TRIM5: variants seen among roughly 807,000 people sequenced by gnomAD.
The protein encoded by TRIM5 is tripartite motif-containing protein 5.
In TRIM5, 31 loss-of-function variants were observed where a neutral mutation model predicts 35.6. That is an observed-to-expected ratio of 0.87 (90% CI 0.65 to 1.18). TRIM5 has a LOEUF of 1.18. Ranked by LOEUF, TRIM5 falls within the 50% of genes most tolerant of loss-of-function variation. TRIM5 has a pLI of 0.00. For missense variants in TRIM5, 609 were observed against 591.6 expected (o/e 1.03, Z -0.31); for synonymous variants, 243 against 215.6 (o/e 1.13, Z -1.11).
At chr11:5,677,973 T>C (rs547188791) in intron 4 of TRIM5, 12 of 405,932 alleles carry the variant, frequency 3.0e-5, no homozygotes, top group African/African-American at 1.4e-4. Flanking sequence ...CTAGAGCTAA[T>C]TGATCATCTC....
At chr11:5,609,688 TGAG>T in the TRIM5 span, among the ~76,000 whole-genome samples, 29 of 152,272 alleles carry the variant, frequency 1.9e-4, no homozygotes, top group African/African-American at 7.0e-4. Context: ...TTTGGGAGGC[TGAG>T]GAGGGCAGAT....
the TRIM5 span, among the ~76,000 whole-genome samples, chr11:5,651,024 T>G: frequency 1.3e-5 from 2 of 152,164 alleles, no homozygotes; most frequent in African/African-American, 4.8e-5. Context: ...CAGCTTCCAC[T>G]CAAATCTTAC....
the TRIM5 span, chr11:5,610,493 G>C: frequency 1.2e-6 from 2 of 1,613,914 alleles, no homozygotes; most frequent in Non-Finnish European, 8.5e-7. Flanking sequence ...ACATGAGACA[G>C]TTGGTCCTAT....
At chr11:5,665,598 A>G (rs924105329) in intron 7 of TRIM5, 58 bp downstream of exon 7, 4 of 1,584,294 alleles carry the variant, frequency 2.5e-6, no homozygotes, top group Non-Finnish European at 3.4e-6. Context: ...TCTAAAAGAT[A>G]AAGATAATAA....
the TRIM5 span, among the ~76,000 whole-genome samples, chr11:5,621,411 C>T: frequency 6.6e-6 from 1 of 152,180 alleles, no homozygotes; most frequent in African/African-American, 2.4e-5. Context: ...CTCTTGTTAG[C>T]CACTCCTGTT....
At chr11:5,638,182 G>A in the TRIM5 span, among the ~76,000 whole-genome samples, 1 of 152,218 alleles carries the variant, frequency 6.6e-6, no homozygotes, top group East Asian at 1.9e-4. Context: ...TCATTGCAGT[G>A]AAGGGAAGTT....
the TRIM5 span, among the ~76,000 whole-genome samples, chr11:5,614,327 G>GT: frequency 6.6e-5 from 10 of 152,194 alleles, no homozygotes; most frequent in African/African-American, 2.4e-4. Flanking sequence ...CCCCAGAATG[G>GT]TAACAGCATG....
chr11:5,665,519 G>A (rs1433248323), intron 7 of TRIM5, 124 bp from the exon 8 acceptor site: 17 of 1,553,568 alleles, frequency 1.1e-5, no homozygotes, highest in Non-Finnish European at 1.5e-5. Flanking sequence ...ATAAGGAGGG[G>A]TAAGTTATGT....
At chr11:5,624,409 C>T in the TRIM5 span, among the ~76,000 whole-genome samples, 3 of 152,274 alleles carry the variant, frequency 2.0e-5, no homozygotes, top group African/African-American at 7.2e-5. Flanking sequence ...TCCACCTCTC[C>T]GCCACCCATC....
intron 4 of TRIM5, among the ~76,000 whole-genome samples, chr11:5,671,119 T>G (rs933206152): frequency 6.6e-6 from 1 of 151,940 alleles, no homozygotes; most frequent in Admixed American, 6.6e-5. Flanking sequence ...CCAGCTAGTC[T>G]GGGGTCTGAG....
the TRIM5 span, among the ~76,000 whole-genome samples, chr11:5,640,657 T>A: frequency 2.0e-5 from 3 of 152,160 alleles, no homozygotes; most frequent in Non-Finnish European, 4.4e-5. Context: ...AGGATGAGCC[T>A]CATGTAATCA....
At chr11:5,657,607 T>G in the TRIM5 span, among the ~76,000 whole-genome samples, 6 of 105,626 alleles carry the variant, frequency 5.7e-5, no homozygotes, top group East Asian at 1.6e-3. Context: ...ATAATATATA[T>G]TTATATATTA....
At chr11:5,615,476 C>A in the TRIM5 span, among the ~76,000 whole-genome samples, 1 of 149,930 alleles carries the variant, frequency 6.7e-6, no homozygotes, top group African/African-American at 2.5e-5. Flanking sequence ...ACTGACACCC[C>A]TTTCTCATTA....
chr11:5,658,155 A>T, the TRIM5 span, among the ~76,000 whole-genome samples: 1 of 152,162 alleles, frequency 6.6e-6, no homozygotes, highest in South Asian at 2.1e-4. Flanking sequence ...TGCCTATAGC[A>T]GGAAGAGACA....
the TRIM5 span, chr11:5,625,109 A>G: frequency 6.6e-6 from 1 of 152,182 alleles, no homozygotes; most frequent in African/African-American, 2.4e-5. Flanking sequence ...CTCCAGGAGA[A>G]AAGTTCTCAG....
chr11:5,613,905 AC>A, the TRIM5 span, among the ~76,000 whole-genome samples: 2 of 151,892 alleles, frequency 1.3e-5, no homozygotes, highest in Non-Finnish European at 2.9e-5. Flanking sequence ...TGTGATATTT[AC>A]TTCTTTATAA....
At chr11:5,655,237 A>C in the TRIM5 span, among the ~76,000 whole-genome samples, 1 of 152,026 alleles carries the variant, frequency 6.6e-6, no homozygotes, top group Non-Finnish European at 1.5e-5. Flanking sequence ...CCTTTAGGAA[A>C]CTTACCATTG....
chr11:5,684,560 C>T (rs1046416873), intron 1 of TRIM5, among the ~76,000 whole-genome samples: 3 of 152,150 alleles, frequency 2.0e-5, no homozygotes, highest in Non-Finnish European at 4.4e-5. Context: ...GGCATTAAAT[C>T]ATTAGGATTC....
chr11:5,607,327 A>G, the TRIM5 span, among the ~76,000 whole-genome samples: 1 of 152,226 alleles, frequency 6.6e-6, no homozygotes, highest in Non-Finnish European at 1.5e-5. Context: ...CAGTACAGCC[A>G]CAATGTAAGA....
Sources: allele counts gnomAD v4.1 joint callset (sites outside exome capture counted in the v4.1 genomes callset), GRCh38; gene constraint gnomAD v4.1.1; transcripts MANE v1.5; gene names NCBI Gene and HGNC (gene_info 2026-07-23, HGNC 2026-07-21).